The following ANKMY1 variants were observed in gnomAD, a reference collection of about 807,000 sequenced individuals.
The protein encoded by ANKMY1 is ankyrin repeat and MYND domain containing 1, also known as ankyrin repeat and MYND domain-containing protein 1.
In ANKMY1, 98 loss-of-function variants were observed where a neutral mutation model predicts 102.0. The observed-to-expected ratio is 0.96, with a 90% CI of 0.82 to 1.14. ANKMY1 has a LOEUF of 1.14. Among genes scored for constraint, ANKMY1 ranks in the 50% most tolerant of loss-of-function variants. The probability of loss-of-function intolerance (pLI) is 0.00; values close to 1 mark genes in which losing one functional copy is unlikely to be tolerated. For synonymous variants in ANKMY1, 582 were observed against 559.9 expected, an observed-to-expected ratio of 1.04 and a Z score of -0.56; for missense variants, 1,330 against 1,347.6, an observed-to-expected ratio of 0.99 and a Z score of 0.20.
intron 11 of ANKMY1, 119 bp from the exon 12 acceptor site, chr2:240,509,574 A>G (rs2079740581): frequency 5.7e-6 from 4 of 705,206 alleles, no homozygotes. Context: ...ACTTCCTGCC[A>G]ACCATTACCT....
the ANKMY1 span, among the ~76,000 whole-genome samples, chr2:240,473,133 AAAAAAAC>A: frequency 1.3e-5 from 2 of 150,442 alleles, no homozygotes; most frequent in African/African-American, 4.9e-5. Context: ...TAAAAAAAAA[AAAAAAAC>A]AAAAAAAACC....
In ANKMY1 at chr2:240,529,562, T is replaced by A. The variant is rs1296842349; in HGVS notation, c.481-53A>T. ...AGAGATAACGCGACCCAGCTGCACA[T>A]GTGATCATGTTTGTAACGTCAAAAG... is the stretch of plus-strand genomic sequence containing the variant. On this transcript the variant is annotated intron_variant, in intron 4 of 17. Coordinates refer to ENST00000401804, the MANE Select transcript of ANKMY1 (RefSeq NM_001282771.3). This position sits in a 1 kb window ranked among gnomAD's most constrained non-coding sequence, Gnocchi z 4.2. 3 of 1,473,822 alleles carry A rather than the reference T, an allele frequency of 2.0e-6. No homozygotes were observed. The highest frequency in any genetic ancestry group is 2.7e-6 in the Non-Finnish European group (3 of 1,095,928). The allele number at this position is 1,473,822 out of a possible 1,614,324, so 91.3% of individuals were successfully genotyped here.
chr2:240,524,335 A>G lies in ANKMY1; in HGVS notation c.1382T>C (p.Met461Thr). The change falls in exon 8 of 18, where the codon ATG becomes ACG. Residue 461 changes from methionine (M) to threonine (T), a missense_variant. By Grantham distance (81) the Met-to-Thr change is moderately conservative. Coordinates refer to ENST00000401804, the MANE Select transcript of ANKMY1 (RefSeq NM_001282771.3). ...GTACAGAGACTCCAGGTTTGTGTCC[A>G]TAAATGATGATGAAAGGATTGGAAC... The part of the protein sequence containing the change: ...PVVPILSSSF[M>T]DTNLESLYYE... 2 of 1,610,166 alleles carry G rather than the reference A, an allele frequency of 1.2e-6. No individual in the cohort carries two copies. The highest frequency in any genetic ancestry group is 1.3e-5 in the African/African-American group (1 of 74,982).
chr2:240,484,507 A>G (rs967254662), intron 15 of ANKMY1, among the ~76,000 whole-genome samples: 9 of 152,236 alleles, frequency 5.9e-5, no homozygotes, highest in African/African-American at 1.9e-4. Flanking sequence ...CATATGCAGA[A>G]AACTGAAACT....
chr2:240,491,090 T>C (rs1241498744), intron 15 of ANKMY1, among the ~76,000 whole-genome samples: 1 of 147,470 alleles, frequency 6.8e-6, no homozygotes, highest in East Asian at 1.9e-4. Context: ...AATGACTTTG[T>C]CTTTTTTTTT....
At position 240,511,821 on chromosome 2, in the gene ANKMY1, G is replaced by A. The variant is rs747642388; in HGVS notation, c.2286+40C>T. On this transcript the variant is annotated intron_variant, in intron 11 of 17. Coordinates refer to ENST00000401804, the MANE Select transcript of ANKMY1 (RefSeq NM_001282771.3). Reference sequence around the variant, plus strand: ...GGCCCTGGAAGGTGGCCCCACCGCTGGGCAGCCCTGTGCCCCCGCCAGGCC... The same window carrying A: ...GGCCCTGGAAGGTGGCCCCACCGCTAGGCAGCCCTGTGCCCCCGCCAGGCC... 3 of 1,541,814 alleles carry A rather than the reference G, an allele frequency of 1.9e-6. No homozygotes were observed. In the East Asian group the frequency reaches 7.4e-5, roughly 38 times the overall value.
intron 5 of ANKMY1, chr2:240,526,727 C>T: frequency 7.4e-7 from 1 of 1,348,448 alleles, no homozygotes; most frequent in Non-Finnish European, 9.6e-7. Context: ...CCATGCATCT[C>T]TGATTCATCT....
chr2:240,471,188 G>A, the ANKMY1 span, among the ~76,000 whole-genome samples: 20 of 151,986 alleles, frequency 1.3e-4, no homozygotes, highest in African/African-American at 4.8e-4. Flanking sequence ...AGTACCTAGA[G>A]GGTTTGTCCA....
chr2:240,539,308 G>A (rs558770264), intron 4 of ANKMY1, among the ~76,000 whole-genome samples: 31 of 150,726 alleles, frequency 2.1e-4, no homozygotes, highest in East Asian at 9.7e-4. Context: ...CCAGAGGAAC[G>A]AACAACTCCG....
At chr2:240,545,936 G>T (rs1211907991) in intron 4 of ANKMY1, among the ~76,000 whole-genome samples, 1 of 152,204 alleles carries the variant, frequency 6.6e-6, no homozygotes, top group Non-Finnish European at 1.5e-5. Flanking sequence ...AAAACACTCT[G>T]CAGGATATCA....
chr2:240,507,241 C>T (rs1335469187), intron 13 of ANKMY1, among the ~76,000 whole-genome samples: 2 of 152,110 alleles, frequency 1.3e-5, no homozygotes, highest in Admixed American at 1.3e-4. Context: ...CACCGCCCGC[C>T]AGGAATGACA....
Position 240,554,846 on chromosome 2 carries a change from G to A in ANKMY1, c.336+20C>T. The A allele has an allele frequency of 6.2e-7, 1 of 1,613,554 alleles. No individual in the cohort carries two copies. Among genetic ancestry groups the A allele is most frequent in the East Asian group, 2.2e-5 (1 of 44,880 alleles). ...CAGAGGCCCTAGGGGAGGAGGCGGAGAAAGTGTGGAAGCAGTTACCTCGCC... is the reference window on the plus strand; with the variant it reads ...CAGAGGCCCTAGGGGAGGAGGCGGAAAAAGTGTGGAAGCAGTTACCTCGCC... On this transcript the variant is annotated intron_variant, in intron 3 of 17. Coordinates refer to ENST00000401804, the MANE Select transcript of ANKMY1 (RefSeq NM_001282771.3).
upstream of ANKMY1, chr2:240,560,861 C>A (rs1259841893): frequency 1.5e-6 from 2 of 1,350,186 alleles, no homozygotes; most frequent in South Asian, 1.6e-5. Flanking sequence ...CCGGCCCGCG[C>A]GCGCCCGGCG....
At chr2:240,478,962 G>C (rs2075049891), downstream of ANKMY1, among the ~76,000 whole-genome samples, 1 of 152,086 alleles carries the variant, frequency 6.6e-6, no homozygotes, top group Non-Finnish European at 1.5e-5. Context: ...ATCTTCCCCT[G>C]CCCTCTCCGT....
At chr2:240,497,763 G>C (rs2077453858) in intron 15 of ANKMY1, among the ~76,000 whole-genome samples, 1 of 152,336 alleles carries the variant, frequency 6.6e-6, no homozygotes, top group South Asian at 2.1e-4. Context: ...TTGTGATGAG[G>C]TGTGAAGCTC....
At chr2:240,525,082 T>C (rs1035087368) in intron 7 of ANKMY1, among the ~76,000 whole-genome samples, 2 of 152,240 alleles carry the variant, frequency 1.3e-5, no homozygotes, top group Non-Finnish European at 2.9e-5. Context: ...AGCCACAAGA[T>C]CACCACACCA....
intron 4 of ANKMY1, among the ~76,000 whole-genome samples, chr2:240,550,179 T>C (rs1575351097): frequency 6.6e-6 from 1 of 151,960 alleles, no homozygotes; most frequent in Non-Finnish European, 1.5e-5. Context: ...TGGAATACTA[T>C]GCAGCCATAA....
upstream of ANKMY1, among the ~76,000 whole-genome samples, chr2:240,559,596 A>G (rs913304573): frequency 2.0e-5 from 3 of 152,112 alleles, no homozygotes; most frequent in Non-Finnish European, 2.9e-5. Flanking sequence ...AACGCCAGGG[A>G]AAAAAAGGGA....
Position 240,479,453 on chromosome 2 carries a change from A to T in ANKMY1, c.*156T>A, listed in dbSNP as rs891260023. On this transcript the variant is annotated 3_prime_UTR_variant, in exon 18 of 18. Transcript: ENST00000401804. The stretch of plus-strand genomic sequence containing the variant: ...CAAAATCACCCCGTGGGGCCAATTT[A>T]TTGCGAGGTCGCAAGGGAGACACTG... 2.2e-6 allele frequency: 2 copies of T among 904,606 alleles called. No individual in the cohort carries two copies. Among genetic ancestry groups the T allele is most frequent in the Admixed American group, 2.1e-5 (1 of 48,248 alleles). 56.0% of individuals were successfully genotyped at this position (904,606 alleles called of 1,614,324 possible).
Sources: allele counts gnomAD v4.1 joint callset (sites outside exome capture counted in the v4.1 genomes callset), GRCh38; gene constraint gnomAD v4.1.1; non-coding constraint Gnocchi (gnomAD v3.1); transcripts MANE v1.5; gene names NCBI Gene and HGNC (gene_info 2026-07-23, HGNC 2026-07-21).